The following GRID2 variants were observed in gnomAD, a reference collection of about 807,000 sequenced individuals.
GRID2 encodes glutamate ionotropic receptor delta type subunit 2.
Under a neutral mutation model 114.8 loss-of-function variants are expected in GRID2, and 33 were observed. The observed-to-expected ratio is 0.29, with a 90% CI of 0.22 to 0.38. The LOEUF (loss-of-function observed/expected upper bound fraction) is 0.38. GRID2 is among the 10% of genes least tolerant of loss of function. GRID2 has a pLI of 1.00. For missense variants in GRID2, 1,184 were observed against 1,257.7 expected, an observed-to-expected ratio of 0.94 and a Z score of 0.89; for synonymous variants, 505 against 449.9, an observed-to-expected ratio of 1.12 and a Z score of -1.55.
At chr4:92,778,710 G>T (rs1189422033) in intron 2 of GRID2, among the ~76,000 whole-genome samples, 2 of 151,974 alleles carry the variant, frequency 1.3e-5, no homozygotes, top group African/African-American at 4.8e-5. Context: ...TCAGCTAACA[G>T]GTATGAACAT....
chr4:92,449,677 A>AT (rs1491323143), intron 1 of GRID2, among the ~76,000 whole-genome samples: 1 of 7,434 alleles, frequency 1.3e-4, no homozygotes, highest in African/African-American at 3.1e-4. Flanking sequence ...TTTCTTACTG[A>AT]TATATATATA....
At chr4:92,589,800 T>C (rs1728621435) in intron 1 of GRID2, among the ~76,000 whole-genome samples, 1 of 152,206 alleles carries the variant, frequency 6.6e-6, no homozygotes, top group Non-Finnish European at 1.5e-5. Context: ...CTTCCAGCTA[T>C]GAATTCCTTA....
intron 14 of GRID2, among the ~76,000 whole-genome samples, chr4:93,638,214 A>T (rs1365891229): frequency 1.3e-5 from 2 of 151,884 alleles, no homozygotes; most frequent in Non-Finnish European, 2.9e-5. Flanking sequence ...TTATTTTTTA[A>T]ATGTTAGTAA....
At chr4:93,691,107 T>C (rs909749142) in intron 14 of GRID2, among the ~76,000 whole-genome samples, 2 of 151,650 alleles carry the variant, frequency 1.3e-5, no homozygotes, top group Non-Finnish European at 3.0e-5. Flanking sequence ...ATCAGGTTAT[T>C]TTATTGATTT....
intron 9 of GRID2, among the ~76,000 whole-genome samples, chr4:93,420,165 G>C (rs1170590211): frequency 6.6e-6 from 1 of 152,094 alleles, no homozygotes; most frequent in African/African-American, 2.4e-5. Flanking sequence ...ATTGATAGAT[G>C]TTCAAAATCT....
chr4:92,847,441 C>T (rs1743410963), intron 2 of GRID2, among the ~76,000 whole-genome samples: 1 of 152,016 alleles, frequency 6.6e-6, no homozygotes, highest in Non-Finnish European at 1.5e-5. Context: ...TCTCGCTGGC[C>T]TCTCTATCAC....
intron 2 of GRID2, among the ~76,000 whole-genome samples, chr4:92,765,719 AGTT>A (rs1349226538): frequency 6.6e-6 from 1 of 152,160 alleles, no homozygotes; most frequent in Non-Finnish European, 1.5e-5. Context: ...GCATTTTAGT[AGTT>A]ATGAAAGTAT....
At chr4:93,342,536 A>G (rs1056628231) in intron 8 of GRID2, among the ~76,000 whole-genome samples, 5 of 152,196 alleles carry the variant, frequency 3.3e-5, no homozygotes, top group African/African-American at 1.2e-4. Flanking sequence ...TGGTGAGGGC[A>G]AGAAACAAGT....
At chr4:92,741,352 GC>G (rs774397235) in intron 2 of GRID2, among the ~76,000 whole-genome samples, 12 of 152,020 alleles carry the variant, frequency 7.9e-5, no homozygotes, top group Non-Finnish European at 1.5e-4. Context: ...AACTACAATT[GC>G]CATAAATGTA....
intron 2 of GRID2, chr4:92,822,488 G>T: frequency 2.3e-6 from 1 of 430,834 alleles, no homozygotes; most frequent in Non-Finnish European, 4.5e-6. Context: ...TACTCTGAGT[G>T]GCTCTCCACC....
At chr4:93,522,323 C>T (rs1346524872) in intron 13 of GRID2, among the ~76,000 whole-genome samples, 3 of 152,058 alleles carry the variant, frequency 2.0e-5, no homozygotes, top group Non-Finnish European at 4.4e-5. Flanking sequence ...CCTGGAGAAT[C>T]AAAGAGATAG....
At chr4:92,426,089 A>C (rs1032451135) in intron 1 of GRID2, among the ~76,000 whole-genome samples, 12 of 152,252 alleles carry the variant, frequency 7.9e-5, no homozygotes, top group Middle Eastern at 3.4e-3. Context: ...TTTATGATTC[A>C]AACACACAGT....
At chr4:93,358,511 A>T (rs981579576) in intron 8 of GRID2, among the ~76,000 whole-genome samples, 1 of 151,996 alleles carries the variant, frequency 6.6e-6, no homozygotes, top group African/African-American at 2.4e-5. Flanking sequence ...AACTGTAAAT[A>T]TTCTGAAATT....
intron 2 of GRID2, among the ~76,000 whole-genome samples, chr4:92,734,295 C>G (rs1560561261): frequency 6.7e-6 from 1 of 150,040 alleles, no homozygotes; most frequent in East Asian, 2.0e-4. Context: ...CTTTACTTTA[C>G]TTTTTTTTTA....
intron 1 of GRID2, among the ~76,000 whole-genome samples, chr4:92,362,893 T>G (rs1316310369): frequency 6.6e-6 from 1 of 152,054 alleles, no homozygotes; most frequent in Non-Finnish European, 1.5e-5. Context: ...GATATTATTT[T>G]AACATTTGGT....
At chr4:92,614,983 C>T (rs1729937312) in intron 2 of GRID2, among the ~76,000 whole-genome samples, 1 of 149,870 alleles carries the variant, frequency 6.7e-6, no homozygotes, top group East Asian at 2.0e-4. Context: ...TACCTTAAAA[C>T]TTATTTTATC....
At chr4:93,079,465 C>T (rs1729654637) in intron 2 of GRID2, among the ~76,000 whole-genome samples, 1 of 151,522 alleles carries the variant, frequency 6.6e-6, no homozygotes, top group African/African-American at 2.4e-5. Flanking sequence ...GAGTTAAAAA[C>T]CCTCCTAATT....
At chr4:93,643,828 T>C (rs1485621679) in intron 14 of GRID2, among the ~76,000 whole-genome samples, 1 of 70,160 alleles carries the variant, frequency 1.4e-5, no homozygotes, top group African/African-American at 1.0e-4. Flanking sequence ...CCTTGAGCTG[T>C]GGTGGGCTCC....
At chr4:93,703,566 A>G (rs976499317) in intron 14 of GRID2, among the ~76,000 whole-genome samples, 1 of 151,972 alleles carries the variant, frequency 6.6e-6, no homozygotes, top group East Asian at 1.9e-4. Context: ...ACATACGTAA[A>G]CATGTGCCAT....
Sources: allele counts gnomAD v4.1 joint callset (sites outside exome capture counted in the v4.1 genomes callset), GRCh38; gene constraint gnomAD v4.1.1; transcripts MANE v1.5; gene names NCBI Gene and HGNC (gene_info 2026-07-23, HGNC 2026-07-21).